ZNF532: variants seen among roughly 807,000 people sequenced by gnomAD.
ZNF532 encodes the protein zinc finger protein 532.
In ZNF532, 22 loss-of-function variants were observed where a neutral mutation model predicts 89.3. That is an observed-to-expected ratio of 0.25 (90% CI 0.18 to 0.35). The LOEUF (loss-of-function observed/expected upper bound fraction) is 0.35, where lower values mean the gene tolerates loss of function less well. ZNF532 is among the 10% of genes least tolerant of loss of function. The pLI, the probability that ZNF532 is intolerant of heterozygous loss-of-function variation, is 1.00. For synonymous variants in ZNF532, 606 were observed against 649.6 expected (o/e 0.93, Z 1.02); for missense variants, 1,132 against 1,643.4 (o/e 0.69, Z 5.38).
At chr18:58,951,664 T>TA (rs1380606390) in intron 6 of ZNF532, among the ~76,000 whole-genome samples, 3 of 148,278 alleles carry the variant, frequency 2.0e-5, no homozygotes, top group East Asian at 4.0e-4. Flanking sequence ...TTTTTTTTTT[T>TA]TTTGAGATGG....
In ZNF532 at chr18:58,983,874, A is replaced by G. The variant is rs189576210; in HGVS notation, c.3412-98A>G. ...CCCTAAATCCCAAAGCGTTCAGCAC[A>G]AGTTTTCCTGGCAGCTCTAAAGTAA... On this transcript the variant is annotated intron_variant, in intron 9 of 9. Transcript: ENST00000591808. 2.0e-6 allele frequency: 3 copies of G among 1,465,510 alleles called. No homozygotes were observed. In the Admixed American group the frequency reaches 6.6e-5, roughly 32 times the overall value. 90.8% of individuals were successfully genotyped at this position (1,465,510 alleles called of 1,614,324 possible).
rs11416830 is a variant in ZNF532, at chr18:58,954,711, C to CTTTT, written c.3150+928_3150+931dup. Among the ~76,000 whole-genome samples, 16 of 106,334 alleles carry CTTTT rather than the reference C, an allele frequency of 1.5e-4. No homozygotes were observed. In the East Asian group the frequency reaches 2.3e-3, roughly 15 times the overall value. 69.8% of individuals were successfully genotyped at this position (106,334 alleles called of 152,430 possible). Reference sequence around the variant, plus strand: ...CTAGGAACCAACATGGAATTTGCTACTTTTTTTTTTTTTTTTTTTGAGAAA... The same window carrying CTTTT: ...CTAGGAACCAACATGGAATTTGCTACTTTTTTTTTTTTTTTTTTTTTTTGAGAAA... On this transcript the variant is annotated intron_variant, in intron 7 of 9. Transcript: ENST00000591808.
intron 5 of ZNF532, chr18:58,940,320 G>T (rs905777501): frequency 2.6e-5 from 4 of 152,114 alleles, no homozygotes; most frequent in African/African-American, 9.7e-5. Context: ...TTAAGATGAA[G>T]GCAACTTAAG....
intron 2 of ZNF532, among the ~76,000 whole-genome samples, chr18:58,876,971 G>C (rs1007033715): frequency 6.6e-6 from 1 of 152,000 alleles, no homozygotes; most frequent in Non-Finnish European, 1.5e-5. Context: ...GAGGCAAGAG[G>C]ATCACTTGAG....
intron 3 of ZNF532, among the ~76,000 whole-genome samples, chr18:58,920,921 AGTGGCAGTGGTGGTTGTGGTT>A (rs1217839390): frequency 6.6e-6 from 1 of 151,772 alleles, no homozygotes; most frequent in Non-Finnish European, 1.5e-5. Flanking sequence ...CAGGAGTGGT[AGTGGCAGTGGTGGTTGTGGTT>A]GTGGCAGCAG....
chr18:58,941,468 CTTTTTTTT>C (rs71302776), intron 5 of ZNF532, among the ~76,000 whole-genome samples: 1 of 114,928 alleles, frequency 8.7e-6, no homozygotes, highest in Middle Eastern at 4.7e-3. Context: ...CTCTCTCTCT[CTTTTTTTT>C]TTTTTTTTTT....
In ZNF532 at chr18:58,920,312, G is replaced by T; in HGVS notation, c.2025G>T (p.Met675Ile). 6.2e-7 allele frequency: 1 copy of T among 1,614,012 alleles called. No homozygotes were observed. Among genetic ancestry groups the T allele is most frequent in the Non-Finnish European group, 8.5e-7 (1 of 1,179,876 alleles). The part of the protein sequence containing the change: ...ARGHKEKGVV[M>I]QCSHLILKPV... ...GGCATAAGGAGAAAGGGGTGGTAAT[G>T]CAATGCTCCCACTTAATTTTAAAGC... Residue 675 changes from methionine to isoleucine, a missense_variant, in exon 3 of 10, where the codon ATG becomes ATT. Met to Ile is a conservative substitution (Grantham distance 10, BLOSUM62 1). Around this residue, in one of 9 missense-constraint regions of ZNF532, gnomAD observed 70 missense variants for 152.1 expected, o/e 0.46. Transcript: ENST00000591808.
At chr18:58,884,440 G>C (rs1291992868) in intron 2 of ZNF532, among the ~76,000 whole-genome samples, 2 of 152,260 alleles carry the variant, frequency 1.3e-5, no homozygotes, top group East Asian at 3.9e-4. Flanking sequence ...CTGATAGTTC[G>C]GAGCATTTCA....
chr18:58,972,801 T>C (rs1230646372), intron 7 of ZNF532, among the ~76,000 whole-genome samples: 1 of 152,252 alleles, frequency 6.6e-6, no homozygotes, highest in Non-Finnish European at 1.5e-5. Flanking sequence ...AGAGTTCCTC[T>C]GTGTCCAGCA....
In ZNF532 at chr18:58,984,591, A is replaced by G. The variant is rs991150310; in HGVS notation, c.*125A>G. On this transcript the variant is annotated 3_prime_UTR_variant, in exon 10 of 10. Coordinates refer to ENST00000591808, the MANE Select transcript of ZNF532 (RefSeq NM_001375912.1). The stretch of plus-strand genomic sequence containing the variant: ...GGCTGTTGCAATATATTCTCTTTCA[A>G]TGTACCTTCCTTCACCTCGTCGTAT... 428 of 1,207,284 alleles carry G rather than the reference A, an allele frequency of 3.5e-4. No individual in the cohort carries two copies. Among genetic ancestry groups the G allele is most frequent in the Non-Finnish European group, 4.4e-4 (386 of 879,118 alleles). 74.8% of individuals were successfully genotyped at this position (1,207,284 alleles called of 1,614,324 possible). A position where few individuals can be genotyped will look rare whatever the true frequency, so the allele number is the denominator to read the frequency against.
At chr18:58,872,754 C>T (rs993294177) in intron 2 of ZNF532, among the ~76,000 whole-genome samples, 3 of 147,926 alleles carry the variant, frequency 2.0e-5, no homozygotes, top group Non-Finnish European at 4.4e-5. Context: ...GGCTGGAGTA[C>T]AGTGGCGTGA....
chr18:58,978,046 A>G (rs898111223), intron 7 of ZNF532, among the ~76,000 whole-genome samples: 1 of 152,212 alleles, frequency 6.6e-6, no homozygotes, highest in African/African-American at 2.4e-5. Flanking sequence ...TGTCATAACC[A>G]AAGAATTTGT....
At position 58,909,328 on chromosome 18, in the gene ZNF532, G is replaced by A. The variant is rs1568293686; in HGVS notation, c.-17-8943G>A. 2.0e-5 allele frequency among the ~76,000 whole-genome samples: 3 copies of A among 152,262 alleles called. No homozygotes were observed. In the South Asian group the frequency reaches 6.2e-4, roughly 32 times the overall value. ...AACATAGGATTTAGAGGAACATGTT[G>A]GGAGGGAATATGAGGGCTTTAGTTT... On this transcript the variant is annotated intron_variant, in intron 2 of 9. Transcript: ENST00000591808.
chr18:58,934,085 A>AT (rs749762450), intron 3 of ZNF532: 10 of 176,476 alleles, frequency 5.7e-5, no homozygotes, highest in Non-Finnish European at 1.2e-4. Flanking sequence ...TATGCCTATA[A>AT]ACTTGTTACT....
chr18:58,879,956 C>T (rs2057753098), intron 2 of ZNF532, among the ~76,000 whole-genome samples: 2 of 152,140 alleles, frequency 1.3e-5, no homozygotes, highest in African/African-American at 4.8e-5. Flanking sequence ...ACTTTTAACA[C>T]TGTTTTCTGA....
chr18:58,887,590 A>G (rs1205419901), intron 2 of ZNF532, among the ~76,000 whole-genome samples: 1 of 152,032 alleles, frequency 6.6e-6, no homozygotes, highest in African/African-American at 2.4e-5. Context: ...GTCTGGTGGG[A>G]GAAGAGGGGA....
chr18:58,952,226 A>T (rs2064279933), intron 6 of ZNF532, among the ~76,000 whole-genome samples: 1 of 152,158 alleles, frequency 6.6e-6, no homozygotes, highest in South Asian at 2.1e-4. Context: ...GGGAACTCGG[A>T]TGTGTGAAAG....
chr18:58,878,170 A>G (rs6567032), intron 2 of ZNF532, among the ~76,000 whole-genome samples: 66,215 of 151,786 alleles, frequency 0.44, 15,103 homozygotes, highest in East Asian at 0.61. Context: ...CAGGAGAATC[A>G]CTTGAACCTG....
intron 2 of ZNF532, among the ~76,000 whole-genome samples, chr18:58,866,694 G>A (rs1037864940): frequency 2.2e-4 from 34 of 152,318 alleles, no homozygotes; most frequent in African/African-American, 8.2e-4. Context: ...GTTGTGTGCT[G>A]GCAGTTGGTG....
Sources: gnomAD v4.1 joint callset for allele counts (sites outside exome capture counted in the v4.1 genomes callset) on GRCh38, gnomAD v4.1.1 for gene constraint, gnomAD v4.1.1 regional missense constraint, MANE v1.5 for transcripts, NCBI Gene and HGNC (gene_info 2026-07-23, HGNC 2026-07-21) for gene names.